The following LMO3 variants were observed in gnomAD, a reference collection of about 807,000 sequenced individuals.
The protein encoded by LMO3 is LIM domain only protein 3.
Under a neutral mutation model 15.8 loss-of-function variants are expected in LMO3, and 2 were observed. That is an observed-to-expected ratio of 0.13 (90% CI 0.05 to 0.40). The LOEUF is 0.40. Among genes scored for constraint, LMO3 ranks in the 10% least tolerant of loss-of-function variants. LMO3 has a pLI of 0.99. For synonymous variants in LMO3, 62 were observed against 63.8 expected (o/e 0.97, Z 0.13); for missense variants, 86 against 182.2 (o/e 0.47, Z 3.04).
At chr12:16,567,086 C>T (rs1443329213) in intron 2 of LMO3, among the ~76,000 whole-genome samples, 1 of 152,104 alleles carries the variant, frequency 6.6e-6, no homozygotes, top group Non-Finnish European at 1.5e-5. Context: ...TTTCCAGCTA[C>T]TCAGGAGGCT....
Position 16,576,168 on chromosome 12 carries a change from C to T in LMO3, c.207-15630G>A, listed in dbSNP as rs1942990269. On this transcript the variant is annotated intron_variant, in intron 2 of 3. Transcript: ENST00000537304. This position sits in a 1 kb window ranked among gnomAD's most constrained non-coding sequence, Gnocchi z 4.1. ...CCTGCCCTGCTGTCCGCCTTCCACTCTGCAGCCGGTAGCCTTTCTATAACA... is the reference window on the plus strand; with the variant it reads ...CCTGCCCTGCTGTCCGCCTTCCACTTTGCAGCCGGTAGCCTTTCTATAACA... Among the ~76,000 whole-genome samples the T allele has an allele frequency of 6.6e-6, 1 of 152,204 alleles. No individual in the cohort carries two copies. The highest frequency in any genetic ancestry group is 6.5e-5 in the Admixed American group (1 of 15,276).
chr12:16,572,233 C>T (rs1942837193), intron 2 of LMO3, among the ~76,000 whole-genome samples: 1 of 151,534 alleles, frequency 6.6e-6, no homozygotes, highest in African/African-American at 2.4e-5. Flanking sequence ...CGTAGTAAAG[C>T]TCTACAGAAG....
rs1565484538 is a variant in LMO3, at chr12:16,560,872, T to C, written c.207-334A>G. 3.6e-6 allele frequency: 1 copy of C among 274,398 alleles called. No individual in the cohort carries two copies. Among genetic ancestry groups the C allele is most frequent in the East Asian group, 9.0e-5 (1 of 11,076 alleles). 17.0% of individuals were successfully genotyped at this position (274,398 alleles called of 1,614,324 possible). A position where few individuals can be genotyped will look rare whatever the true frequency, so the allele number is the denominator to read the frequency against. On this transcript the variant is annotated intron_variant, in intron 2 of 3. Transcript: ENST00000537304. This position sits in a 1 kb window ranked among gnomAD's most constrained non-coding sequence, Gnocchi z 5.0. The stretch of plus-strand genomic sequence containing the variant: ...GTATATAGAAAATATAAAAGCAATA[T>C]AACTTTGCTCTTAATGTTATATATT...
chr12:16,595,600 GA>G, intron 2 of LMO3, among the ~76,000 whole-genome samples: 1 of 151,370 alleles, frequency 6.6e-6, no homozygotes, highest in Middle Eastern at 3.4e-3. Context: ...ACAATAAAGG[GA>G]AAAATGATCT....
At chr12:16,572,339 C>CTTTTTTTTTTTTTTTTTTTTTT (rs59773866) in intron 2 of LMO3, among the ~76,000 whole-genome samples, 2 of 89,530 alleles carry the variant, frequency 2.2e-5, no homozygotes, top group Non-Finnish European at 4.2e-5. Context: ...GGTCCAAACT[C>CTTTTTTTTTTTTTTTTTTTTTT]TTTTTTTTTT....
In LMO3 at chr12:16,586,832, C is replaced by T. The variant is rs1329484023; in HGVS notation, c.206+13823G>A. On this transcript the variant is annotated intron_variant, in intron 2 of 3. Transcript: ENST00000537304. The surrounding 1 kb of genome is among the most constrained non-coding windows in gnomAD (Gnocchi z 4.3). The stretch of plus-strand genomic sequence containing the variant: ...GAACATGTAAGCCATACACAGTTGG[C>T]ATCAAATATTACTGGATGACAGATT... 6.6e-6 allele frequency among the ~76,000 whole-genome samples: 1 copy of T among 152,158 alleles called. No individual in the cohort carries two copies. Among genetic ancestry groups the T allele is most frequent in the East Asian group, 1.9e-4 (1 of 5,196 alleles).
At chr12:16,606,908 G>C (rs1944020188), upstream of LMO3, 1 of 152,150 alleles carries the variant, frequency 6.6e-6, no homozygotes, top group African/African-American at 2.4e-5. Flanking sequence ...TTTGGAATAG[G>C]TGGCTACATT....
At chr12:16,561,899 G>T (rs1432996426) in intron 2 of LMO3, among the ~76,000 whole-genome samples, 2 of 152,178 alleles carry the variant, frequency 1.3e-5, no homozygotes, top group East Asian at 3.8e-4. Context: ...AACATAGTCT[G>T]TGCACTTGAT....
At chr12:16,575,393 T>C (rs947254313) in intron 2 of LMO3, among the ~76,000 whole-genome samples, 12 of 152,168 alleles carry the variant, frequency 7.9e-5, no homozygotes, top group Non-Finnish European at 1.6e-4. Flanking sequence ...GACAAATTAG[T>C]CCAAAGATTT....
rs112409841 is a variant in LMO3, at chr12:16,557,535, A to C, written c.332+2878T>G. 2.1e-3 allele frequency among the ~76,000 whole-genome samples: 321 copies of C among 152,212 alleles called. 1 individual carries two copies. Among genetic ancestry groups the C allele is most frequent in the African/African-American group, 7.3e-3 (305 of 41,572 alleles). ...AACTGTTATATACCTTGTTTAAGTA[A>C]TCATGCTCTGTGAATTTAACCAGAT... On this transcript the variant is annotated intron_variant, in intron 3 of 3. Coordinates refer to ENST00000537304, the MANE Select transcript of LMO3 (RefSeq NM_018640.5).
chr12:16,564,408 G>T (rs1233728412), intron 2 of LMO3, among the ~76,000 whole-genome samples: 1 of 152,214 alleles, frequency 6.6e-6, no homozygotes, highest in East Asian at 1.9e-4. Flanking sequence ...CATAAAGCAA[G>T]CAAACTCTTT....
upstream of LMO3, chr12:16,607,401 TTCACAGGC>T (rs1366293786): frequency 6.6e-6 from 1 of 151,070 alleles, no homozygotes; most frequent in Non-Finnish European, 1.5e-5. Context: ...CTGCTTTGTC[TTCACAGGC>T]TTGTTTTAAG....
chr12:16,559,738 G>A lies in LMO3; in HGVS notation c.332+675C>T, dbSNP rs767354636. On this transcript the variant is annotated intron_variant, in intron 3 of 3. Transcript: ENST00000537304. The surrounding 1 kb of genome is among the most constrained non-coding windows in gnomAD (Gnocchi z 4.1). ...GGTGGAGGTGGGAGGATTGCTTGAG[G>A]CCAGGAGTTTGAGACCAGCCTGGGT... Among the ~76,000 whole-genome samples, 60 of 151,532 alleles carry A rather than the reference G, an allele frequency of 4.0e-4. No individual in the cohort carries two copies. Among genetic ancestry groups the A allele is most frequent in the African/African-American group, 1.5e-3 (60 of 41,214 alleles).
chr12:16,557,616 T>G (rs1468859), intron 3 of LMO3, among the ~76,000 whole-genome samples: 1 of 152,082 alleles, frequency 6.6e-6, no homozygotes, highest in East Asian at 1.9e-4. Flanking sequence ...AGCAAGAAAC[T>G]CTATTGTGAT....
intron 2 of LMO3, chr12:16,594,159 T>TA: frequency 6.5e-7 from 1 of 1,532,704 alleles, no homozygotes; most frequent in Non-Finnish European, 8.7e-7. Context: ...ATTTGTTGGC[T>TA]AAAGTCAATG....
Position 16,604,568 on chromosome 12 carries a change from A to G in LMO3, c.-9+1498T>C. On this transcript the variant is annotated intron_variant, in intron 1 of 3. Transcript: ENST00000537304. This position sits in a 1 kb window ranked among gnomAD's most constrained non-coding sequence, Gnocchi z 5.3. ...GATGCAGCTCACATGCAAAATAAAAAAAAAAAATAAGAAACATACATACAC... is the reference window on the plus strand; with the variant it reads ...GATGCAGCTCACATGCAAAATAAAAGAAAAAAATAAGAAACATACATACAC... 2.7e-6 allele frequency: 1 copy of G among 368,458 alleles called. No homozygotes were observed. The highest frequency in any genetic ancestry group is 4.9e-6 in the Non-Finnish European group (1 of 205,316). The allele number at this position is 368,458 out of a possible 1,614,324, so 22.8% of individuals were successfully genotyped here. A position where few individuals can be genotyped will look rare whatever the true frequency, so the allele number is the denominator to read the frequency against.
At chr12:16,568,956 C>G (rs1439048699) in intron 2 of LMO3, among the ~76,000 whole-genome samples, 1 of 152,092 alleles carries the variant, frequency 6.6e-6, no homozygotes, top group African/African-American at 2.4e-5. Context: ...TTTTTTCTAA[C>G]TTGAAACTTA....
At chr12:16,569,609 G>A (rs1422390046) in intron 2 of LMO3, among the ~76,000 whole-genome samples, 1 of 152,136 alleles carries the variant, frequency 6.6e-6, no homozygotes, top group East Asian at 1.9e-4. Flanking sequence ...CTTAACATTT[G>A]ATGAGAAAAA....
chr12:16,598,249 T>A lies in LMO3; in HGVS notation c.206+2406A>T, dbSNP rs1943718331. 1.3e-5 allele frequency: 2 copies of A among 152,130 alleles called. No homozygotes were observed. Among genetic ancestry groups the A allele is most frequent in the African/African-American group, 4.8e-5 (2 of 41,450 alleles). 9.4% of individuals were successfully genotyped at this position (152,130 alleles called of 1,614,324 possible). On this transcript the variant is annotated intron_variant, in intron 2 of 3. Transcript: ENST00000537304. This position sits in a 1 kb window ranked among gnomAD's most constrained non-coding sequence, Gnocchi z 4.3. ...CATCTGCGGCATAATCTATAACACG[T>A]AACACAGTGTTTTACACACACCAAT...
Sources: allele counts gnomAD v4.1 joint callset (sites outside exome capture counted in the v4.1 genomes callset), GRCh38; gene constraint gnomAD v4.1.1; non-coding constraint Gnocchi (gnomAD v3.1); transcripts MANE v1.5; gene names NCBI Gene and HGNC (gene_info 2026-07-23, HGNC 2026-07-21).